The following NEK10 variants were observed in gnomAD, a reference collection of about 807,000 sequenced individuals.
NEK10 encodes serine/threonine-protein kinase Nek10.
In NEK10, 122 loss-of-function variants were observed where a neutral mutation model predicts 159.8. The ratio of observed to expected loss-of-function variants is 0.76; its 90% CI spans 0.66 to 0.89. The LOEUF (loss-of-function observed/expected upper bound fraction) is 0.89, where lower values mean the gene tolerates loss of function less well. Among genes scored for constraint, NEK10 ranks in the 40% least tolerant of loss-of-function variants. The pLI, the probability that NEK10 is intolerant of heterozygous loss-of-function variation, is 0.00. For missense variants in NEK10, 1,342 were observed against 1,323.1 expected, an observed-to-expected ratio of 1.01 and a Z score of -0.22; for synonymous variants, 466 against 457.1, an observed-to-expected ratio of 1.02 and a Z score of -0.25.
At chr3:27,202,883 G>A (rs1346200407) in intron 23 of NEK10, among the ~76,000 whole-genome samples, 3 of 152,164 alleles carry the variant, frequency 2.0e-5, no homozygotes, top group Non-Finnish European at 2.9e-5. Flanking sequence ...TGCTCTGGGA[G>A]CTTCTGTACA....
At chr3:27,335,019 T>C (rs1271351965) in intron 5 of NEK10, among the ~76,000 whole-genome samples, 1 of 152,072 alleles carries the variant, frequency 6.6e-6, no homozygotes, top group Admixed American at 6.5e-5. Flanking sequence ...ATTAGAAATT[T>C]ACCAAAAACA....
chr3:27,240,030 A>C (rs1954374621), intron 23 of NEK10, among the ~76,000 whole-genome samples: 1 of 152,206 alleles, frequency 6.6e-6, no homozygotes. Context: ...TCAAGAAAGG[A>C]CTCAAACTAA....
chr3:27,111,147 C>CA lies in NEK10; in HGVS notation c.*124dup. 2.5e-6 allele frequency: 2 copies of CA among 802,526 alleles called. No individual in the cohort carries two copies. The highest frequency in any genetic ancestry group is 4.0e-6 in the Non-Finnish European group (2 of 497,466). The allele number at this position is 802,526 out of a possible 1,614,324, so 49.7% of individuals were successfully genotyped here. A position where few individuals can be genotyped will look rare whatever the true frequency, so the allele number is the denominator to read the frequency against. ...CCCCAGAAAGAAGTCCTGCAGGCCC[C>CA]ATGGCATCTTGGTCTTTTCCACACC... On this transcript the variant is annotated 3_prime_UTR_variant, in exon 36 of 36. Transcript: ENST00000691995.
chr3:27,176,829 T>C (rs1947551528), intron 26 of NEK10, among the ~76,000 whole-genome samples: 1 of 152,190 alleles, frequency 6.6e-6, no homozygotes, highest in African/African-American at 2.4e-5. Flanking sequence ...TGAAAAAAGA[T>C]GAAGGAGAAT....
At chr3:27,316,789 A>G (rs77925918) in intron 6 of NEK10, among the ~76,000 whole-genome samples, 3 of 1,428 alleles carry the variant, frequency 2.1e-3, no homozygotes, top group Non-Finnish European at 3.7e-3. Flanking sequence ...AAAAGAAAAA[A>G]GAAAAAAAAA....
At chr3:27,157,431 G>A (rs1575039899) in intron 30 of NEK10, among the ~76,000 whole-genome samples, 1 of 152,176 alleles carries the variant, frequency 6.6e-6, no homozygotes, top group East Asian at 1.9e-4. Context: ...AGTAGAAGAA[G>A]TAATTGCAAA....
intron 11 of NEK10, among the ~76,000 whole-genome samples, chr3:27,306,628 T>C (rs1417112691): frequency 6.6e-6 from 1 of 152,150 alleles, no homozygotes; most frequent in Admixed American, 6.5e-5. Context: ...AAAATTCACA[T>C]CGTTATTTAT....
chr3:27,307,906 T>C lies in NEK10; in HGVS notation c.756A>G (p.Val252=). The C allele has an allele frequency of 1.3e-6, 2 of 1,565,884 alleles. No homozygotes were observed. Among genetic ancestry groups the C allele is most frequent in the Non-Finnish European group, 1.8e-6 (2 of 1,136,852 alleles). ...CATGTAAAATCATCAACAGATTTTC[T>C]ACAATGTTGAGTTCACTTATCTTCT... is the stretch of plus-strand genomic sequence containing the variant. ...CREKISELNI[V]ENLLMILHEY... is the part of the protein sequence containing the mutation. Residue 252 remains valine (V), a synonymous_variant, in exon 11 of 36, where the codon GTA becomes GTG. Transcript: ENST00000691995.
chr3:27,243,887 T>C (rs1954811557), intron 23 of NEK10, among the ~76,000 whole-genome samples: 1 of 151,676 alleles, frequency 6.6e-6, no homozygotes, highest in South Asian at 2.1e-4. Context: ...GTCCCCAAAT[T>C]AAATTGAATT....
intron 26 of NEK10, among the ~76,000 whole-genome samples, chr3:27,191,773 C>T (rs1386370212): frequency 6.6e-6 from 1 of 152,082 alleles, no homozygotes; most frequent in Non-Finnish European, 1.5e-5. Context: ...ACTTAAACTT[C>T]GCTAAGAGAA....
At chr3:27,157,280 A>G (rs1945569464) in intron 30 of NEK10, among the ~76,000 whole-genome samples, 1 of 152,010 alleles carries the variant, frequency 6.6e-6, no homozygotes, top group Admixed American at 6.6e-5. Flanking sequence ...TCACCACTAA[A>G]GAATTGTACC....
At position 27,283,003 on chromosome 3, in the gene NEK10, C is replaced by T. The variant is rs117362067; in HGVS notation, c.2014+1599G>A. 2.0e-3 allele frequency among the ~76,000 whole-genome samples: 306 copies of T among 152,148 alleles called. 7 individuals carry two copies. In the East Asian group the frequency reaches 0.054, roughly 27 times the overall value. ...CTTTTTTTATTTCACAATGCATTGG[C>T]TTCGAAATATTTCCAAGTAGCTTTG... On this transcript the variant is annotated intron_variant, in intron 22 of 35. Coordinates refer to ENST00000691995, the MANE Select transcript of NEK10 (RefSeq NM_001394966.1).
At chr3:27,166,928 C>T (rs562605797) in intron 29 of NEK10, among the ~76,000 whole-genome samples, 2 of 152,150 alleles carry the variant, frequency 1.3e-5, no homozygotes, top group East Asian at 3.9e-4. Flanking sequence ...CCACTGCACT[C>T]CAGCCTGGGT....
chr3:27,232,583 A>G (rs1393558362), intron 23 of NEK10, among the ~76,000 whole-genome samples: 1 of 152,066 alleles, frequency 6.6e-6, no homozygotes, highest in Non-Finnish European at 1.5e-5. Context: ...ATATGGAACA[A>G]AAAAAGAGCC....
intron 22 of NEK10, among the ~76,000 whole-genome samples, chr3:27,275,482 G>T (rs567804488): frequency 6.6e-6 from 1 of 152,156 alleles, no homozygotes; most frequent in Non-Finnish European, 1.5e-5. Context: ...TGCTATGAGG[G>T]TATTTAACAC....
intron 30 of NEK10, among the ~76,000 whole-genome samples, chr3:27,147,240 A>T (rs943902981): frequency 2.0e-5 from 3 of 152,204 alleles, no homozygotes; most frequent in African/African-American, 7.2e-5. Flanking sequence ...GGGGAGCAGG[A>T]GCCAAGGACT....
At position 27,111,305 on chromosome 3, in the gene NEK10, T is replaced by G. The variant is rs934642665; in HGVS notation, c.3315A>C (p.Pro1105=). Residue 1105 remains proline, a synonymous_variant, in exon 36 of 36, where the codon CCA becomes CCC. Coordinates refer to ENST00000691995, the MANE Select transcript of NEK10 (RefSeq NM_001394966.1). ...TGGTTGGGTGATTCTTGGTCCCCCA[T>G]GGATAGGAATGATACCTATAAGATT... The part of the protein sequence containing the change: ...NFTSNRYHSY[P]WGTKNHPTKR 3.1e-6 allele frequency: 5 copies of G among 1,607,388 alleles called. No individual in the cohort carries two copies. In the African/African-American group the frequency reaches 6.7e-5, roughly 22 times the overall value.
chr3:27,365,099 T>C (rs2048962939), intron 1 of NEK10, among the ~76,000 whole-genome samples: 1 of 152,222 alleles, frequency 6.6e-6, no homozygotes, highest in Admixed American at 6.5e-5. Flanking sequence ...CAGCTCTCTA[T>C]TCACCTAAGT....
chr3:27,368,874 T>G (rs1035042278), intron 1 of NEK10, among the ~76,000 whole-genome samples: 1 of 152,068 alleles, frequency 6.6e-6, no homozygotes. Flanking sequence ...GCGACGCTCA[T>G]AGAGATGAAG....
Sources: allele counts gnomAD v4.1 joint callset (sites outside exome capture counted in the v4.1 genomes callset), GRCh38; gene constraint gnomAD v4.1.1; transcripts MANE v1.5; gene names NCBI Gene and HGNC (gene_info 2026-07-23, HGNC 2026-07-21).